MGMT: variants seen among roughly 807,000 people sequenced by gnomAD.
MGMT encodes methylated-DNA--protein-cysteine methyltransferase.
A neutral mutation model predicts 15.9 loss-of-function variants in MGMT; 14 were observed. That is an observed-to-expected ratio of 0.88 (90% confidence interval 0.58 to 1.37). The LOEUF is 1.37. MGMT is among the 40% of genes most tolerant of loss of function. The pLI is 0.00. For synonymous variants in MGMT, 130 were observed against 118.2 expected (o/e 1.10, Z -0.65); for missense variants, 282 against 268.1 (o/e 1.05, Z -0.36).
chr10:129,644,801 C>T (rs1847367635), intron 2 of MGMT, among the ~76,000 whole-genome samples: 1 of 152,218 alleles, frequency 6.6e-6, no homozygotes, highest in South Asian at 2.1e-4. Context: ...CCTCATCCTC[C>T]AGCTTCTTGC....
At chr10:129,513,982 GTTAA>G (rs1433124040) in intron 1 of MGMT, among the ~76,000 whole-genome samples, 1 of 152,196 alleles carries the variant, frequency 6.6e-6, no homozygotes, top group East Asian at 1.9e-4. Flanking sequence ...TAAAGAAGTA[GTTAA>G]TTATCAAAGC....
intron 2 of MGMT, among the ~76,000 whole-genome samples, chr10:129,649,195 C>A (rs1213848389): frequency 6.6e-6 from 1 of 152,190 alleles, no homozygotes; most frequent in Non-Finnish European, 1.5e-5. Context: ...AGTGACTGAA[C>A]TCGGCTGTTA....
At chr10:129,665,600 G>A (rs1054434234) in intron 2 of MGMT, among the ~76,000 whole-genome samples, 8 of 152,114 alleles carry the variant, frequency 5.3e-5, no homozygotes, top group South Asian at 2.1e-4. Flanking sequence ...CAGTGGTAGC[G>A]AGGGATGGGA....
intron 2 of MGMT, among the ~76,000 whole-genome samples, chr10:129,622,965 T>C (rs147359027): frequency 6.6e-6 from 1 of 152,310 alleles, no homozygotes; most frequent in Non-Finnish European, 1.5e-5. Context: ...CCTAGATGAA[T>C]GACTTATGTC....
chr10:129,709,401 G>C (rs975166463), intron 3 of MGMT, among the ~76,000 whole-genome samples: 16 of 152,174 alleles, frequency 1.1e-4, no homozygotes, highest in Admixed American at 8.5e-4. Flanking sequence ...TTGCTGAATG[G>C]CCCAAGGAAG....
At chr10:129,645,118 C>CTTTTTTT (rs10606297) in intron 2 of MGMT, among the ~76,000 whole-genome samples, 4,048 of 121,584 alleles carry the variant, frequency 0.033, 91 homozygotes, top group African/African-American at 0.055. Context: ...CCTGAAAGCC[C>CTTTTTTT]TTTTTTTTTT....
rs1039901905 is a variant in MGMT, at chr10:129,566,173, C to T, written c.125+29796C>T. On this transcript the variant is annotated intron_variant, in intron 2 of 4. Transcript: ENST00000651593. The surrounding 1 kb of genome is among the most constrained non-coding windows in gnomAD (Gnocchi z 4.1). ...TGCCCCCAGGCTCTACTTTGCTCTG[C>T]CTGGTCTCAGGGTGTAGGGGATGGA... Among the ~76,000 whole-genome samples the T allele has an allele frequency of 6.6e-6, 1 of 152,190 alleles. No homozygotes were observed.
intron 2 of MGMT, among the ~76,000 whole-genome samples, chr10:129,622,659 G>T (rs570394576): frequency 6.6e-6 from 1 of 151,878 alleles, no homozygotes; most frequent in South Asian, 2.1e-4. Context: ...TTCTTTCTTT[G>T]TTTTATGTTT....
intron 2 of MGMT, among the ~76,000 whole-genome samples, chr10:129,590,219 G>A (rs1846666725): frequency 6.6e-6 from 1 of 152,162 alleles, no homozygotes; most frequent in Admixed American, 6.5e-5. Flanking sequence ...GTTTTACTTG[G>A]AAACACATGT....
intron 1 of MGMT, among the ~76,000 whole-genome samples, chr10:129,513,322 C>T (rs1845704531): frequency 6.6e-6 from 1 of 152,156 alleles, no homozygotes; most frequent in Admixed American, 6.5e-5. Context: ...GTGATGGATA[C>T]ACAACTTTGT....
At chr10:129,746,410 G>A (rs989470692) in intron 3 of MGMT, among the ~76,000 whole-genome samples, 1 of 151,110 alleles carries the variant, frequency 6.6e-6, no homozygotes, top group Admixed American at 6.6e-5. Flanking sequence ...AGGTCATGAA[G>A]ATTTGTCATA....
intron 1 of MGMT, among the ~76,000 whole-genome samples, chr10:129,501,731 A>T (rs1377842504): frequency 1.3e-5 from 2 of 152,180 alleles, no homozygotes; most frequent in Non-Finnish European, 1.5e-5. Context: ...AGGACTCTAA[A>T]CATGTTTCTT....
intron 3 of MGMT, among the ~76,000 whole-genome samples, chr10:129,757,175 A>G (rs1848816937): frequency 6.6e-6 from 1 of 152,260 alleles, no homozygotes; most frequent in Non-Finnish European, 1.5e-5. Context: ...ATGGTTTCCC[A>G]TGAGAAACTG....
chr10:129,654,923 G>A (rs886111364), intron 2 of MGMT, among the ~76,000 whole-genome samples: 1 of 152,190 alleles, frequency 6.6e-6, no homozygotes, highest in African/African-American at 2.4e-5. Flanking sequence ...AGAGAAGTGG[G>A]ATTTCCCACT....
intron 3 of MGMT, among the ~76,000 whole-genome samples, chr10:129,710,684 C>T (rs1848222859): frequency 6.6e-6 from 1 of 152,126 alleles, no homozygotes; most frequent in African/African-American, 2.4e-5. Context: ...TGCTCTCTGT[C>T]CAGGTTGTTA....
chr10:129,709,958 G>A (rs2133144448), intron 3 of MGMT, among the ~76,000 whole-genome samples: 1 of 152,308 alleles, frequency 6.6e-6, no homozygotes, highest in South Asian at 2.1e-4. Flanking sequence ...ACCCCTGCAA[G>A]CACTGAACCC....
At chr10:129,531,866 C>T (rs911227256) in intron 1 of MGMT, among the ~76,000 whole-genome samples, 1 of 151,926 alleles carries the variant, frequency 6.6e-6, no homozygotes, top group East Asian at 1.9e-4. Context: ...TTATTTTGAT[C>T]CTATTTAGGT....
At chr10:129,708,987 A>G (rs1334510285) in intron 3 of MGMT, among the ~76,000 whole-genome samples, 1 of 152,228 alleles carries the variant, frequency 6.6e-6, no homozygotes, top group Non-Finnish European at 1.5e-5. Flanking sequence ...AGGTTGGGCT[A>G]ATACCTGAGT....
intron 2 of MGMT, among the ~76,000 whole-genome samples, chr10:129,674,794 T>C (rs954710651): frequency 2.6e-5 from 4 of 152,214 alleles, no homozygotes; most frequent in Non-Finnish European, 4.4e-5. Context: ...GCCATATCTT[T>C]CCAGCATCAG....
Sources: gnomAD v4.1 joint callset for allele counts (sites outside exome capture counted in the v4.1 genomes callset) on GRCh38, gnomAD v4.1.1 for gene constraint, Gnocchi (gnomAD v3.1) non-coding constraint, MANE v1.5 for transcripts, NCBI Gene and HGNC (gene_info 2026-07-23, HGNC 2026-07-21) for gene names.